The following MCF2 variants were observed in gnomAD, a reference collection of about 807,000 sequenced individuals.
The protein encoded by MCF2 is proto-oncogene DBL.
Under a neutral mutation model 82.5 loss-of-function variants are expected in MCF2, and 44 were observed. That is an observed-to-expected ratio of 0.53 (90% CI 0.42 to 0.69). The LOEUF is 0.69. Ranked by LOEUF, MCF2 falls within the 30% of genes least tolerant of loss-of-function variation. MCF2 has a pLI of 0.00. For synonymous variants in MCF2, 217 were observed against 224.9 expected (o/e 0.96, Z 0.32); for missense variants, 623 against 663.1 (o/e 0.94, Z 0.66).
At chrX:139,674,144 C>CTT (rs377454038) in intron 1 of MCF2, among the ~76,000 whole-genome samples, 12,623 of 109,897 alleles carry the variant, frequency 0.11, 1,956 homozygotes, top group African/African-American at 0.4. Context: ...GCAACCCCTG[C>CTT]TTTTTTTTCT....
At chrX:139,614,899 A>G in exon 10 of MCF2, 2 of 1,205,855 alleles carry the variant, frequency 1.7e-6, no homozygotes, top group Non-Finnish European at 1.1e-6. Flanking sequence ...GATGAAAAAA[A>G]TGGTGTCCCA....
chrX:139,693,582 A>C (rs72616293), intron 1 of MCF2, among the ~76,000 whole-genome samples: 2,680 of 110,900 alleles, frequency 0.024, 112 homozygotes, highest in East Asian at 0.17. Flanking sequence ...GTTGATTTAC[A>C]TATTTTTATC....
chrX:139,679,952 C>T (rs1934960749), intron 1 of MCF2, among the ~76,000 whole-genome samples: 1 of 110,732 alleles, frequency 9.0e-6, no homozygotes, highest in Admixed American at 9.6e-5. Flanking sequence ...ATAGGCCAGA[C>T]ATGTTTGTAT....
chrX:139,607,106 A>G lies in MCF2; in HGVS notation c.1490+585T>C, dbSNP rs1274119639. ...TGATGTACCACTCTATTCATTTCGT[A>G]TATCGAAATTTGCTGAGAGAATAGA... On this transcript the variant is annotated intron_variant, in intron 12 of 24. Transcript: ENST00000370576. 3.6e-5 allele frequency: 4 copies of G among 111,231 alleles called. No homozygotes were observed. The East Asian group carries it at 1.1e-3, about 31-fold the overall frequency. 9.2% of individuals were successfully genotyped at this position (111,231 alleles called of 1,213,427 possible).
chrX:139,604,444 G>A lies in MCF2; in HGVS notation c.1743+237C>T, dbSNP rs770438352. Among the ~76,000 whole-genome samples the A allele has an allele frequency of 2.7e-4, 30 of 110,574 alleles. No homozygotes were observed. The East Asian group carries it at 8.0e-3, about 29-fold the overall frequency. On this transcript the variant is annotated intron_variant, in intron 15 of 24. Coordinates refer to ENST00000370576, the Ensembl canonical transcript of MCF2. ...CCAGGAGTCAGTGTTCAAGAGCTGA[G>A]CCACTGAAGCATTTGATACCACAGA...
intron 1 of MCF2, among the ~76,000 whole-genome samples, chrX:139,635,427 G>T (rs1488335057): frequency 9.0e-6 from 1 of 111,161 alleles, no homozygotes; most frequent in Admixed American, 9.5e-5. Context: ...AAGCTGAGGT[G>T]GGAGGATTAT....
chrX:139,699,704 A>C (rs1449309871), intron 1 of MCF2, among the ~76,000 whole-genome samples: 1 of 112,580 alleles, frequency 8.9e-6, no homozygotes, highest in Non-Finnish European at 1.9e-5. Context: ...AGGCTGAATA[A>C]TACTTCATTG....
rs150144159 is a variant in MCF2 at position 139,686,031 on chromosome X, C to T, written c.-45+22075G>A. ...AACCACATGATTATCTCAATAGATGCAGAAAAGGCTTTTGACAAAATTCAA... is the reference window on the plus strand; with the variant it reads ...AACCACATGATTATCTCAATAGATGTAGAAAAGGCTTTTGACAAAATTCAA... On this transcript the variant is annotated intron_variant, in intron 1 of 27. Transcript: ENST00000414978. Among the ~76,000 whole-genome samples the T allele has an allele frequency of 3.3e-3, 340 of 102,029 alleles. 2 individuals are homozygous for T. Among genetic ancestry groups the T allele is most frequent in the African/African-American group, 0.012 (331 of 27,710 alleles). 88.6% of individuals were successfully genotyped at this position (102,029 alleles called of 115,157 possible).
At position 139,669,423 on chromosome X, in the gene MCF2, A is replaced by G. The variant is rs1047363011; in HGVS notation, c.-44-17635T>C. ...CGTGGACAAATTGGAACCCTCATAC[A>G]TGTAAATGTAAAATGTTATTATAAA... On this transcript the variant is annotated intron_variant, in intron 1 of 27. Coordinates refer to the MCF2 transcript ENST00000414978. 5.3e-5 allele frequency among the ~76,000 whole-genome samples: 6 copies of G among 112,340 alleles called. No homozygotes were observed. In the South Asian group the frequency reaches 1.8e-3, roughly 34 times the overall value.
At position 139,669,873 on chromosome X, in the gene MCF2, G is replaced by C. The variant is rs745489386; in HGVS notation, c.-44-18085C>G. Among the ~76,000 whole-genome samples the C allele has an allele frequency of 4.5e-5, 5 of 111,873 alleles. No homozygotes were observed. In the East Asian group the frequency reaches 1.4e-3, roughly 31 times the overall value. On this transcript the variant is annotated intron_variant, in intron 1 of 27. Transcript: ENST00000414978. The stretch of plus-strand genomic sequence containing the variant: ...AGAGAGAAAGATAGAAAATAGATTA[G>C]AGATTGCCTAGGGCTAGGGGAATCA...
Position 139,669,131 on chromosome X carries a change from G to A in MCF2, c.-44-17343C>T, listed in dbSNP as rs78160467. ...GAATAAGAGGATATATTTGCAAATCGTATATCTGATAAGGGACATGTATCT... is the reference window on the plus strand; with the variant it reads ...GAATAAGAGGATATATTTGCAAATCATATATCTGATAAGGGACATGTATCT... On this transcript the variant is annotated intron_variant, in intron 1 of 27. Transcript: ENST00000414978. 4.3e-3 allele frequency among the ~76,000 whole-genome samples: 482 copies of A among 111,728 alleles called. 5 individuals carry two copies. The highest frequency in any genetic ancestry group is 0.015 in the African/African-American group (457 of 30,826).
At chrX:139,648,509 T>C (rs1207216773) in intron 2 of MCF2, among the ~76,000 whole-genome samples, 1 of 112,090 alleles carries the variant, frequency 8.9e-6, no homozygotes, top group Non-Finnish European at 1.9e-5. Flanking sequence ...ATCTCACTAT[T>C]TGTATTTTGC....
At chrX:139,620,027 G>GTA (rs1556030374) in intron 6 of MCF2, among the ~76,000 whole-genome samples, 1,523 of 100,377 alleles carry the variant, frequency 0.015, 30 homozygotes, top group African/African-American at 0.056. Flanking sequence ...GTGTGTGTGT[G>GTA]TATATATATA....
intron 3 of MCF2, among the ~76,000 whole-genome samples, chrX:139,630,889 G>T (rs1477459542): frequency 8.9e-6 from 1 of 111,992 alleles, no homozygotes; most frequent in African/African-American, 3.2e-5. Context: ...AATACTATTT[G>T]CACTTATTGA....
chrX:139,623,490 C>T (rs1322667126), intron 6 of MCF2, among the ~76,000 whole-genome samples: 2 of 111,585 alleles, frequency 1.8e-5, no homozygotes, highest in African/African-American at 6.5e-5. Context: ...AAACCAAACA[C>T]AGTATGTTGT....
chrX:139,681,019 C>T (rs1934985727), intron 1 of MCF2, among the ~76,000 whole-genome samples: 1 of 112,441 alleles, frequency 8.9e-6, no homozygotes, highest in Non-Finnish European at 1.9e-5. Flanking sequence ...TGGCTAATCC[C>T]ATGATCTAGC....
At chrX:139,642,382 G>A in intron 1 of MCF2, 2 of 1,148,591 alleles carry the variant, frequency 1.7e-6, no homozygotes, top group Non-Finnish European at 2.4e-6. Context: ...ACCCTACTCA[G>A]CAGTTTGTGC....
At chrX:139,678,644 A>G (rs988688976) in intron 1 of MCF2, among the ~76,000 whole-genome samples, 3 of 111,955 alleles carry the variant, frequency 2.7e-5, no homozygotes, top group African/African-American at 6.5e-5. Context: ...AAGACAACCC[A>G]TAAATACATG....
chrX:139,610,138 C>T (rs1381317728), intron 11 of MCF2, among the ~76,000 whole-genome samples, 163 bp downstream of exon 15: 1 of 112,002 alleles, frequency 8.9e-6, no homozygotes, highest in Non-Finnish European at 1.9e-5. Context: ...TGGGGATATG[C>T]CAGTAATGCA....
Sources: allele counts gnomAD v4.1 joint callset (sites outside exome capture counted in the v4.1 genomes callset), GRCh38; gene constraint gnomAD v4.1.1; transcripts MANE v1.5; gene names NCBI Gene and HGNC (gene_info 2026-07-23, HGNC 2026-07-21).